The following FILIP1L variants were observed in gnomAD, a reference collection of about 807,000 sequenced individuals.
FILIP1L encodes the protein filamin A-interacting protein 1-like.
In FILIP1L, 55 loss-of-function variants were observed where a neutral mutation model predicts 96.6. The observed-to-expected ratio is 0.57, with a 90% CI of 0.46 to 0.71. The LOEUF is 0.71. FILIP1L is among the 30% of genes least tolerant of loss of function. The pLI is 0.00. For synonymous variants in FILIP1L, 467 were observed against 473.9 expected (o/e 0.99, Z 0.19); for missense variants, 1,304 against 1,321.2 (o/e 0.99, Z 0.20).
chr3:100,038,777 AGGTGCCAAGCCAC>A (rs2065152807), intron 1 of FILIP1L, among the ~76,000 whole-genome samples: 1 of 152,188 alleles, frequency 6.6e-6, no homozygotes, highest in Non-Finnish European at 1.5e-5. Flanking sequence ...CTGAGATTAC[AGGTGCCAAGCCAC>A]GGTGCCCAGC....
chr3:99,885,890 C>A (rs1705879762), intron 4 of FILIP1L, among the ~76,000 whole-genome samples: 1 of 152,186 alleles, frequency 6.6e-6, no homozygotes, highest in Admixed American at 6.5e-5. Flanking sequence ...AATGGGGAAT[C>A]TATTTCCCAA....
chr3:99,966,119 A>G (rs1294102105), intron 1 of FILIP1L, among the ~76,000 whole-genome samples: 5 of 152,218 alleles, frequency 3.3e-5, no homozygotes, highest in African/African-American at 9.7e-5. Context: ...CTCTCTCACA[A>G]TATCTCTTAG....
chr3:99,929,102 C>G (rs1436084513), intron 3 of FILIP1L, among the ~76,000 whole-genome samples: 1 of 152,084 alleles, frequency 6.6e-6, no homozygotes, highest in Non-Finnish European at 1.5e-5. Flanking sequence ...TGTTTCTTTT[C>G]TATAAAAATG....
intron 1 of FILIP1L, among the ~76,000 whole-genome samples, chr3:99,982,044 T>C (rs1234123419): frequency 6.6e-6 from 1 of 151,896 alleles, no homozygotes; most frequent in African/African-American, 2.4e-5. Flanking sequence ...GCTCTTTTAG[T>C]TGTTTATAAA....
At chr3:99,898,429 A>G (rs1433896952) in intron 4 of FILIP1L, 1 of 152,206 alleles carries the variant, frequency 6.6e-6, no homozygotes, top group Non-Finnish European at 1.5e-5. Context: ...TGTGGTGACA[A>G]ATTTCCATCT....
At chr3:99,996,168 C>T (rs1709674132) in intron 1 of FILIP1L, among the ~76,000 whole-genome samples, 1 of 152,112 alleles carries the variant, frequency 6.6e-6, no homozygotes, top group African/African-American at 2.4e-5. Context: ...GAATGCTTTG[C>T]TGCTTAGAAA....
intron 1 of FILIP1L, among the ~76,000 whole-genome samples, chr3:100,015,057 G>A (rs1710300636): frequency 6.6e-6 from 1 of 150,868 alleles, no homozygotes; most frequent in African/African-American, 2.4e-5. Flanking sequence ...TCTATCTTGA[G>A]TTGAATTTTG....
At chr3:99,912,880 CT>C (rs1214657125) in intron 4 of FILIP1L, among the ~76,000 whole-genome samples, 3 of 152,126 alleles carry the variant, frequency 2.0e-5, no homozygotes, top group Non-Finnish European at 4.4e-5. Context: ...AGTAGAATTG[CT>C]GAGTTGTATG....
chr3:99,972,158 G>A (rs2107719070), intron 1 of FILIP1L, among the ~76,000 whole-genome samples: 1 of 152,276 alleles, frequency 6.6e-6, no homozygotes, highest in East Asian at 1.9e-4. Context: ...TGCAAAGTGT[G>A]GGGAAAGATG....
At chr3:100,006,126 A>T (rs1709978073) in intron 1 of FILIP1L, among the ~76,000 whole-genome samples, 1 of 152,182 alleles carries the variant, frequency 6.6e-6, no homozygotes, top group Non-Finnish European at 1.5e-5. Context: ...TGTTGCAGTT[A>T]TAAAACTCTG....
At chr3:100,054,475 A>G (rs1351369226) in intron 1 of FILIP1L, among the ~76,000 whole-genome samples, 1 of 145,884 alleles carries the variant, frequency 6.9e-6, no homozygotes. Flanking sequence ...TTCGTTCATT[A>G]TATTATGTTA....
At chr3:100,042,759 C>T (rs2065225608) in intron 1 of FILIP1L, among the ~76,000 whole-genome samples, 1 of 152,082 alleles carries the variant, frequency 6.6e-6, no homozygotes, top group African/African-American at 2.4e-5. Flanking sequence ...ACCATTTCTT[C>T]CACACAAAGG....
chr3:99,984,376 C>T (rs918357108), intron 1 of FILIP1L, among the ~76,000 whole-genome samples: 5 of 152,170 alleles, frequency 3.3e-5, no homozygotes, highest in Non-Finnish European at 7.3e-5. Flanking sequence ...CCATTTATTA[C>T]TGATAGATAA....
Position 99,969,778 on chromosome 3 carries a change from G to A in FILIP1L, c.-10-38748C>T, listed in dbSNP as rs560792679. ...CTGTGACCATGGAGATGAAGAAGGTGAGGAATTTATAGTTTATTGGATGGC... is the reference window on the plus strand; with the variant it reads ...CTGTGACCATGGAGATGAAGAAGGTAAGGAATTTATAGTTTATTGGATGGC... On this transcript the variant is annotated intron_variant, in intron 1 of 5. Coordinates refer to ENST00000477258, the MANE Select transcript of FILIP1L (RefSeq NM_001387850.1). Among the ~76,000 whole-genome samples, 3 of 152,262 alleles carry A rather than the reference G, an allele frequency of 2.0e-5. No homozygotes were observed. In the East Asian group the frequency reaches 5.8e-4, roughly 29 times the overall value.
At chr3:99,920,254 G>A (rs2035401) in intron 4 of FILIP1L, among the ~76,000 whole-genome samples, 3 of 152,052 alleles carry the variant, frequency 2.0e-5, no homozygotes, top group Admixed American at 2.0e-4. Flanking sequence ...TCAAAAAAAA[G>A]CAACTCTTTT....
chr3:100,070,968 C>T (rs1420873323), intron 1 of FILIP1L, among the ~76,000 whole-genome samples: 1 of 151,888 alleles, frequency 6.6e-6, no homozygotes. Flanking sequence ...TTATTAAATT[C>T]TCACTATGTA....
intron 1 of FILIP1L, among the ~76,000 whole-genome samples, chr3:100,081,763 C>A (rs139020718): frequency 3.0e-4 from 45 of 152,180 alleles, no homozygotes; most frequent in Non-Finnish European, 5.1e-4. Flanking sequence ...TTATCAATGT[C>A]TTTTCTTAGT....
At chr3:99,836,042 A>G (rs1160528836) in intron 5 of FILIP1L, among the ~76,000 whole-genome samples, 1 of 152,216 alleles carries the variant, frequency 6.6e-6, no homozygotes, top group South Asian at 2.1e-4. Context: ...GATGAAGGCC[A>G]TGGTAGAAGG....
In FILIP1L at chr3:99,983,418, ATGTATG is replaced by A. The variant is rs1331293459; in HGVS notation, c.-10-52394_-10-52389del. On this transcript the variant is annotated intron_variant, in intron 1 of 5. Coordinates refer to ENST00000477258, the MANE Select transcript of FILIP1L (RefSeq NM_001387850.1). ...TATATATATATATATATATATATAT[ATGTATG>A]TATGTATGTATATATATGTATGTAT... 1.3e-3 allele frequency among the ~76,000 whole-genome samples: 106 copies of A among 81,956 alleles called. 1 individual carries two copies. Among genetic ancestry groups the A allele is most frequent in the African/African-American group, 4.3e-3 (83 of 19,126 alleles). The allele number at this position is 81,956 out of a possible 152,430, so 53.8% of individuals were successfully genotyped here.
Sources: gnomAD v4.1 joint callset for allele counts (sites outside exome capture counted in the v4.1 genomes callset) on GRCh38, gnomAD v4.1.1 for gene constraint, MANE v1.5 for transcripts, NCBI Gene and HGNC (gene_info 2026-07-23, HGNC 2026-07-21) for gene names.